The following MAST4 variants were observed in gnomAD, a reference collection of about 807,000 sequenced individuals.
The protein encoded by MAST4 is microtubule associated serine/threonine kinase family member 4.
Under a neutral mutation model 162.7 loss-of-function variants are expected in MAST4, and 89 were observed. That is an observed-to-expected ratio of 0.55 (90% confidence interval 0.46 to 0.65). The LOEUF is 0.65. Ranked by LOEUF, MAST4 falls within the 30% of genes least tolerant of loss-of-function variation. The pLI is 0.00. For synonymous variants in MAST4, 1,479 were observed against 1,361.1 expected (o/e 1.09, Z -1.91); for missense variants, 3,153 against 3,374.0 (o/e 0.93, Z 1.62).
In MAST4 at chr5:66,654,148, A is replaced by T. The variant is rs569861720; in HGVS notation, c.363+57130A>T. ...GCTGTCAAGGAATTGGTGTGCTGCG[A>T]TAAAGAATAGGGGCTACAGATGGGA... On this transcript the variant is annotated intron_variant, in intron 1 of 28. Transcript: ENST00000403625. Among the ~76,000 whole-genome samples the T allele has an allele frequency of 7.2e-5, 11 of 152,318 alleles. No individual in the cohort carries two copies. In the East Asian group the frequency reaches 2.1e-3, roughly 29 times the overall value.
chr5:66,686,629 G>A (rs1030290689), intron 1 of MAST4, among the ~76,000 whole-genome samples: 1 of 152,162 alleles, frequency 6.6e-6, no homozygotes, highest in African/African-American at 2.4e-5. Context: ...TTGGATGCTT[G>A]GGATTGGATT....
intron 1 of MAST4, among the ~76,000 whole-genome samples, chr5:66,667,099 T>G (rs1285870432): frequency 6.6e-6 from 1 of 152,182 alleles, no homozygotes; most frequent in Non-Finnish European, 1.5e-5. Flanking sequence ...CAGAAAACAG[T>G]GTGGTCAAAG....
At chr5:66,986,390 A>G in intron 4 of MAST4, 1 of 1,214,178 alleles carries the variant, frequency 8.2e-7, no homozygotes, top group Non-Finnish European at 1.2e-6. Context: ...TTTTAGAAAG[A>G]AAATCTGTAA....
At chr5:66,977,172 C>G (rs1047552954) in intron 4 of MAST4, among the ~76,000 whole-genome samples, 19 of 152,152 alleles carry the variant, frequency 1.2e-4, no homozygotes, top group African/African-American at 4.6e-4. Flanking sequence ...GCGATCTCGG[C>G]TCACCGTAAC....
chr5:67,010,811 T>C (rs533550591), intron 4 of MAST4, among the ~76,000 whole-genome samples: 2 of 152,180 alleles, frequency 1.3e-5, no homozygotes, highest in Non-Finnish European at 2.9e-5. Flanking sequence ...TGGAAACTCA[T>C]GGATGACTTG....
intron 19 of MAST4, among the ~76,000 whole-genome samples, chr5:67,140,526 G>T (rs866927975): frequency 6.6e-6 from 1 of 152,220 alleles, no homozygotes; most frequent in Non-Finnish European, 1.5e-5. Flanking sequence ...AAGAGAGGTG[G>T]TGGAGTAGGA....
chr5:67,010,985 C>T (rs1256652419), intron 4 of MAST4, among the ~76,000 whole-genome samples: 1 of 152,168 alleles, frequency 6.6e-6, no homozygotes. Context: ...CCCGTCAGCC[C>T]TCCTCCCTGA....
At chr5:67,150,017 A>C (rs978210497) in intron 24 of MAST4, among the ~76,000 whole-genome samples, 2 of 152,220 alleles carry the variant, frequency 1.3e-5, no homozygotes, top group Non-Finnish European at 2.9e-5. Flanking sequence ...TTTCTCATCT[A>C]ATTAATGAGG....
intron 1 of MAST4, among the ~76,000 whole-genome samples, chr5:66,628,685 A>G (rs1443037840): frequency 6.6e-6 from 1 of 152,184 alleles, no homozygotes; most frequent in East Asian, 1.9e-4. Context: ...AATGTATGAT[A>G]GCAGATCCTA....
At chr5:66,889,300 A>T (rs1762228578) in intron 3 of MAST4, among the ~76,000 whole-genome samples, 1 of 152,194 alleles carries the variant, frequency 6.6e-6, no homozygotes, top group Non-Finnish European at 1.5e-5. Context: ...AAACATAGTT[A>T]AGTGGCAGGG....
At chr5:66,660,098 T>G (rs1325456356) in intron 1 of MAST4, among the ~76,000 whole-genome samples, 6 of 152,184 alleles carry the variant, frequency 3.9e-5, no homozygotes, top group African/African-American at 1.4e-4. Context: ...ATGAAAGTGC[T>G]ACATGCGTGG....
chr5:66,951,000 A>C (rs933079307), intron 4 of MAST4, among the ~76,000 whole-genome samples: 1 of 152,244 alleles, frequency 6.6e-6, no homozygotes, highest in South Asian at 2.1e-4. Flanking sequence ...ATTGCTGTGT[A>C]GTGTTTTGTC....
At chr5:67,133,333 C>T (rs560980511) in intron 16 of MAST4, among the ~76,000 whole-genome samples, 181 bp from the exon 17 acceptor site, 1 of 152,240 alleles carries the variant, frequency 6.6e-6, no homozygotes, top group South Asian at 2.1e-4. Context: ...TTACACTCAG[C>T]TGCTAGATGG....
intron 3 of MAST4, among the ~76,000 whole-genome samples, chr5:66,815,786 T>G (rs1756688893): frequency 6.6e-6 from 1 of 152,122 alleles, no homozygotes; most frequent in African/African-American, 2.4e-5. Context: ...TTGAATCCAG[T>G]TTTCTTTAGA....
chr5:66,744,647 A>C (rs1752649162), intron 1 of MAST4, among the ~76,000 whole-genome samples: 1 of 152,148 alleles, frequency 6.6e-6, no homozygotes, highest in Non-Finnish European at 1.5e-5. Flanking sequence ...ACATGGCAGG[A>C]ACAGGAGCAA....
intron 4 of MAST4, among the ~76,000 whole-genome samples, chr5:67,046,379 G>A (rs1757372768): frequency 6.6e-6 from 1 of 152,132 alleles, no homozygotes; most frequent in African/African-American, 2.4e-5. Flanking sequence ...TTATGAAAAT[G>A]TGTTTAAAAG....
At chr5:66,784,557 A>C (rs1373596465) in intron 2 of MAST4, among the ~76,000 whole-genome samples, 1 of 151,536 alleles carries the variant, frequency 6.6e-6, no homozygotes, top group African/African-American at 2.4e-5. Flanking sequence ...CCCTGCACCC[A>C]CCCCTCATTT....
intron 3 of MAST4, among the ~76,000 whole-genome samples, chr5:66,833,708 A>G (rs1199571534): frequency 6.6e-6 from 1 of 152,200 alleles, no homozygotes; most frequent in Non-Finnish European, 1.5e-5. Flanking sequence ...GAAATTTTCT[A>G]TATTCACTGC....
At chr5:67,128,804 T>C (rs1011747269) in intron 14 of MAST4, among the ~76,000 whole-genome samples, 6 of 152,128 alleles carry the variant, frequency 3.9e-5, no homozygotes, top group Non-Finnish European at 8.8e-5. Flanking sequence ...ATACCCCCTG[T>C]TTTATAAGGT....
Sources: allele counts gnomAD v4.1 joint callset (sites outside exome capture counted in the v4.1 genomes callset), GRCh38; gene constraint gnomAD v4.1.1; transcripts MANE v1.5; gene names NCBI Gene and HGNC (gene_info 2026-07-23, HGNC 2026-07-21).